The following SDHA variants were observed in gnomAD, a reference collection of about 807,000 sequenced individuals.
SDHA encodes succinate dehydrogenase complex flavoprotein subunit A, also known as succinate dehydrogenase [ubiquinone] flavoprotein subunit, mitochondrial.
In SDHA, 48 loss-of-function variants were observed where a neutral mutation model predicts 78.4. The observed-to-expected ratio is 0.61, with a 90% CI of 0.49 to 0.78. The LOEUF (loss-of-function observed/expected upper bound fraction) is 0.78, where lower values mean the gene tolerates loss of function less well. SDHA is among the 30% of genes least tolerant of loss of function. The probability of loss-of-function intolerance (pLI) is 0.00; values close to 1 mark genes in which losing one functional copy is unlikely to be tolerated. For synonymous variants in SDHA, 326 were observed against 353.9 expected (o/e 0.92, Z 0.88); for missense variants, 680 against 892.7 (o/e 0.76, Z 3.04).
chr5:228,098 T>C (rs1466060776), intron 5 of SDHA, 87 bp from the exon 6 acceptor site: 2 of 1,342,240 alleles, frequency 1.5e-6, no homozygotes, highest in Non-Finnish European at 2.1e-6. Flanking sequence ...GATCAAGTTC[T>C]TTCACCTATT....
At chr5:258,855 CCTT>C (rs1373014244), downstream of SDHA, among the ~76,000 whole-genome samples, 12 of 67,312 alleles carry the variant, frequency 1.8e-4, no homozygotes, top group Non-Finnish European at 2.8e-4. Flanking sequence ...ACTGTGAGCT[CCTT>C]CTCCTCTCAG....
At chr5:264,895 A>G in the SDHA span, among the ~76,000 whole-genome samples, 1 of 152,220 alleles carries the variant, frequency 6.6e-6, no homozygotes, top group Non-Finnish European at 1.5e-5. Context: ...ACTATAACTA[A>G]TTATGTTAAT....
chr5:258,262 C>A (rs1418167808), downstream of SDHA, among the ~76,000 whole-genome samples: 1 of 126,132 alleles, frequency 7.9e-6, no homozygotes, highest in African/African-American at 4.1e-5. Context: ...TGAGCTCCGC[C>A]CCATGTTAGA....
At chr5:260,529 C>G (rs1406779763), downstream of SDHA, among the ~76,000 whole-genome samples, 1 of 1,770 alleles carries the variant, frequency 5.6e-4, no homozygotes, top group South Asian at 0.033. Context: ...CCTCCCGTCA[C>G]AGCATTACCG....
At chr5:247,795 A>G (rs991651364) in intron 11 of SDHA, among the ~76,000 whole-genome samples, 2 of 152,228 alleles carry the variant, frequency 1.3e-5, no homozygotes, top group African/African-American at 4.8e-5. Flanking sequence ...ATTAAAACAG[A>G]TAACGCCCCA....
intron 8 of SDHA, chr5:233,877 G>A: frequency 2.0e-6 from 1 of 502,670 alleles, no homozygotes; most frequent in Non-Finnish European, 3.6e-6. Context: ...CTCTTAGTGT[G>A]TGTGAGTATG....
the SDHA span, among the ~76,000 whole-genome samples, chr5:265,418 C>G: frequency 6.6e-6 from 1 of 152,048 alleles, no homozygotes; most frequent in Non-Finnish European, 1.5e-5. Context: ...CAAAACCAAC[C>G]AACCAAACAC....
rs748683825 is a variant in SDHA, at chr5:235,262, G to A, written c.1183G>A (p.Val395Ile). Residue 395 changes from valine (V) to isoleucine (I), a missense_variant, in exon 9 of 15, where the codon GTC becomes ATC. Coordinates refer to ENST00000264932, the MANE Select transcript of SDHA (RefSeq NM_004168.4). ...AGCCATGATCTTCGCTGGCGTGGAC[G>A]TCACGAAGGAGCCGATCCCTGTCCT... ...ETAMIFAGVD[V>I]TKEPIPVLPT... 2 of 1,614,044 alleles carry A rather than the reference G, an allele frequency of 1.2e-6. No homozygotes were observed. The highest frequency in any genetic ancestry group is 1.7e-6 in the Non-Finnish European group (2 of 1,179,958).
intron 2 of SDHA, among the ~76,000 whole-genome samples, 188 bp from the exon 3 acceptor site, chr5:224,172 C>T (rs1198492352): frequency 6.6e-6 from 1 of 152,222 alleles, no homozygotes; most frequent in Non-Finnish European, 1.5e-5. Flanking sequence ...GATTGTCAGT[C>T]CCTTCTCCAG....
intron 14 of SDHA, among the ~76,000 whole-genome samples, chr5:255,479 A>G (rs1737126931): frequency 6.6e-6 from 1 of 151,874 alleles, no homozygotes; most frequent in South Asian, 2.1e-4. Flanking sequence ...TTTCTGAGAT[A>G]GAGTCTCATC....
the SDHA span, among the ~76,000 whole-genome samples, chr5:266,374 A>G: frequency 1.3e-5 from 2 of 152,186 alleles, no homozygotes; most frequent in African/African-American, 4.8e-5. Flanking sequence ...CCAAGAAATA[A>G]CTGACAGGCA....
chr5:224,974 G>A (rs1340264437), intron 3 of SDHA: 11 of 328,746 alleles, frequency 3.3e-5, no homozygotes, highest in Non-Finnish European at 5.2e-5. Context: ...AGGGGAGTGC[G>A]ACTCTGAGTG....
chr5:251,879 G>A (rs1388741946), intron 13 of SDHA: 10 of 352,740 alleles, frequency 2.8e-5, no homozygotes, highest in Middle Eastern at 2.1e-3. Context: ...CTGCCCTGTG[G>A]AGGAAATGCC....
At chr5:237,698 A>G (rs1735868882) in intron 10 of SDHA, among the ~76,000 whole-genome samples, 1 of 134,650 alleles carries the variant, frequency 7.4e-6, no homozygotes, top group Non-Finnish European at 1.5e-5. Flanking sequence ...TTTTTATACA[A>G]CAGGTGCTTT....
intron 11 of SDHA, chr5:250,574 A>G (rs1284788887): frequency 6.2e-6 from 2 of 320,988 alleles, no homozygotes; most frequent in Non-Finnish European, 1.2e-5. Flanking sequence ...AGCTCCTCCT[A>G]GTGTGTATCA....
At chr5:257,524 G>A (rs1333158194), downstream of SDHA, among the ~76,000 whole-genome samples, 1 of 141,558 alleles carries the variant, frequency 7.1e-6, no homozygotes, top group Middle Eastern at 3.7e-3. Flanking sequence ...CCCCCTGTTG[G>A]AGCATTACTG....
At position 228,304 on chromosome 5, in the gene SDHA, A is replaced by G. The variant is rs1735177782; in HGVS notation, c.741A>G (p.Ile247Met). 6.8e-6 allele frequency: 11 copies of G among 1,614,026 alleles called. No individual in the cohort carries two copies. The highest frequency in any genetic ancestry group is 9.3e-6 in the Non-Finnish European group (11 of 1,179,896). ...TAGAGGACGGGTCCATCCATCGCAT[A>G]AGAGCAAAGAACACTGTTGTTGCCA... The part of the protein sequence containing the change: ...LCIEDGSIHR[I>M]RAKNTVVATG... Residue 247 changes from isoleucine (I) to methionine (M), a missense_variant, in exon 6 of 15, where the codon ATA (isoleucine) becomes ATG (methionine). Ile to Met is a conservative substitution (Grantham distance 10). Transcript: ENST00000264932.
chr5:235,528 C>G, intron 9 of SDHA, 189 bp downstream of exon 9: 1 of 658,118 alleles, frequency 1.5e-6, no homozygotes, highest in East Asian at 2.8e-5. Context: ...ATTTATTCCT[C>G]CTTAGTAAAT....
intron 6 of SDHA, 62 bp downstream of exon 6, chr5:228,395 CTTTA>C: frequency 1.3e-6 from 2 of 1,519,994 alleles, no homozygotes; most frequent in Non-Finnish European, 1.8e-6. Flanking sequence ...TTTAGAGTTT[CTTTA>C]TTTTAATGAA....
Sources: allele counts gnomAD v4.1 joint callset (sites outside exome capture counted in the v4.1 genomes callset), GRCh38; gene constraint gnomAD v4.1.1; transcripts MANE v1.5; gene names NCBI Gene and HGNC (gene_info 2026-07-23, HGNC 2026-07-21).